The following KALRN variants were observed in gnomAD, a reference collection of about 807,000 sequenced individuals.
The protein encoded by KALRN is kalirin.
In KALRN, 70 loss-of-function variants were observed where a neutral mutation model predicts 353.7. The observed-to-expected ratio is 0.20, with a 90% CI of 0.16 to 0.24. The LOEUF is 0.24. Ranked by LOEUF, KALRN falls within the 10% of genes least tolerant of loss-of-function variation. The pLI is 1.00. For missense variants in KALRN, 2,791 were observed against 3,756.7 expected, an observed-to-expected ratio of 0.74 and a Z score of 6.72; for synonymous variants, 1,391 against 1,434.8, an observed-to-expected ratio of 0.97 and a Z score of 0.69.
rs977964458 is a variant in KALRN, at chr3:124,280,694, A to G, written c.969+11439A>G. 3.5e-4 allele frequency among the ~76,000 whole-genome samples: 54 copies of G among 152,184 alleles called. 1 individual carries two copies. The highest frequency in any genetic ancestry group is 1.3e-3 in the African/African-American group (52 of 41,442). Reference sequence around the variant, plus strand: ...AAACCCCAAGAGTTTGCCCACCCAGAGAATGATGTTCTCTCACTTGAATAG... The same window carrying G: ...AAACCCCAAGAGTTTGCCCACCCAGGGAATGATGTTCTCTCACTTGAATAG... On this transcript the variant is annotated intron_variant, in intron 5 of 59. Coordinates refer to ENST00000682506, the MANE Select transcript of KALRN (RefSeq NM_001388419.1).
chr3:124,472,135 C>G (rs947197257), intron 25 of KALRN, among the ~76,000 whole-genome samples: 5 of 152,080 alleles, frequency 3.3e-5, no homozygotes, highest in Non-Finnish European at 7.4e-5. Flanking sequence ...CAGGGTGTTG[C>G]TCTATTGAAA....
intron 4 of KALRN, among the ~76,000 whole-genome samples, chr3:124,268,108 G>GCTGGAGACACTTTCCTTC (rs1227251130): frequency 6.6e-6 from 1 of 152,200 alleles, no homozygotes; most frequent in Non-Finnish European, 1.5e-5. Flanking sequence ...ATCATCATTT[G>GCTGGAGACACTTTCCTTC]CTGGAGACAC....
intron 33 of KALRN, among the ~76,000 whole-genome samples, chr3:124,506,098 A>T (rs1025983053): frequency 6.6e-6 from 1 of 152,226 alleles, no homozygotes; most frequent in Non-Finnish European, 1.5e-5. Context: ...AAGATCCTCT[A>T]TGGTGAAACA....
chr3:124,675,022 A>ATATATATATATATT (rs1203296000), intron 49 of KALRN: 1 of 151,040 alleles, frequency 6.6e-6, no homozygotes, highest in African/African-American at 2.4e-5. Flanking sequence ...ATATATATAT[A>ATATATATATATATT]TTTTTGATTG....
chr3:124,169,799 TTCTCTCTGGGAC>T (rs1366687174), intron 1 of KALRN, among the ~76,000 whole-genome samples: 9 of 152,274 alleles, frequency 5.9e-5, no homozygotes, highest in Non-Finnish European at 1.2e-4. Context: ...GAGGGGACAG[TTCTCTCTGGGAC>T]TCTCAGTTGT....
At chr3:124,637,343 C>T (rs1026092932) in intron 37 of KALRN, 40 bp downstream of exon 37, 1 of 1,374,524 alleles carries the variant, frequency 7.3e-7, no homozygotes, top group Non-Finnish European at 1.0e-6. Context: ...GTGTGTCTCA[C>T]CTTCACACTG....
intron 1 of KALRN, among the ~76,000 whole-genome samples, chr3:124,208,040 C>G (rs880001): frequency 0.52 from 78,455 of 152,052 alleles, 22,680 homozygotes; most frequent in Non-Finnish European, 0.65. Context: ...CGCTTTCCCC[C>G]CCAGTTCAGT....
At chr3:124,279,919 C>T (rs1365371129) in intron 5 of KALRN, among the ~76,000 whole-genome samples, 1 of 152,154 alleles carries the variant, frequency 6.6e-6, no homozygotes, top group Admixed American at 6.5e-5. Flanking sequence ...AGCAAAGGCA[C>T]AGCAGCCTCA....
chr3:124,047,265 GC>G (rs1478721333), intron 1 of KALRN, among the ~76,000 whole-genome samples: 2 of 152,092 alleles, frequency 1.3e-5, no homozygotes, highest in African/African-American at 4.8e-5. Context: ...TACTAAGAGG[GC>G]TAATGAAAAT....
intron 23 of KALRN, among the ~76,000 whole-genome samples, chr3:124,459,193 G>A (rs1187513824): frequency 6.6e-6 from 1 of 152,148 alleles, no homozygotes; most frequent in Non-Finnish European, 1.5e-5. Flanking sequence ...AGAAAGAGGT[G>A]CTTGGAAATT....
intron 1 of KALRN, among the ~76,000 whole-genome samples, chr3:124,189,202 C>T (rs1289409302): frequency 6.6e-6 from 1 of 152,178 alleles, no homozygotes; most frequent in Non-Finnish European, 1.5e-5. Context: ...CATTTAACAT[C>T]TAAGGTCTTC....
chr3:124,401,059 G>A (rs1050429081), intron 13 of KALRN, among the ~76,000 whole-genome samples: 3 of 152,182 alleles, frequency 2.0e-5, no homozygotes, highest in Non-Finnish European at 1.5e-5. Context: ...TCGCAAGTGT[G>A]TCTTTACTAG....
intron 34 of KALRN, among the ~76,000 whole-genome samples, chr3:124,606,902 G>A (rs75838732): frequency 6.6e-6 from 1 of 152,136 alleles, no homozygotes; most frequent in Non-Finnish European, 1.5e-5. Context: ...AAATAAAAAC[G>A]ATAAGATTAT....
chr3:124,049,146 T>C (rs998585815), intron 1 of KALRN, among the ~76,000 whole-genome samples: 8 of 152,218 alleles, frequency 5.3e-5, no homozygotes, highest in African/African-American at 1.9e-4. Flanking sequence ...CAGTGTGCCT[T>C]AGGAGCCAGA....
chr3:124,217,399 C>G (rs996043568), intron 1 of KALRN, among the ~76,000 whole-genome samples: 1 of 152,176 alleles, frequency 6.6e-6, no homozygotes, highest in Non-Finnish European at 1.5e-5. Flanking sequence ...ATCTAGATAC[C>G]TGAACATTGT....
chr3:124,163,628 TAAAGAAG>T, intron 1 of KALRN: 2 of 984,964 alleles, frequency 2.0e-6, no homozygotes, highest in South Asian at 4.7e-5. Context: ...TGGATCTGCA[TAAAGAAG>T]AAAGAAGAAA....
At chr3:124,090,637 T>C (rs2061061354) in intron 1 of KALRN, among the ~76,000 whole-genome samples, 1 of 152,228 alleles carries the variant, frequency 6.6e-6, no homozygotes, top group East Asian at 1.9e-4. Context: ...TCTCCCTCCC[T>C]ATTGGACTCT....
chr3:124,223,305 C>T (rs968035388), intron 1 of KALRN, among the ~76,000 whole-genome samples: 1 of 152,058 alleles, frequency 6.6e-6, no homozygotes, highest in Non-Finnish European at 1.5e-5. Flanking sequence ...AACTAGGGTC[C>T]AGCCAAATGA....
chr3:124,084,934 G>C (rs1025887200), intron 1 of KALRN, among the ~76,000 whole-genome samples: 2 of 152,170 alleles, frequency 1.3e-5, no homozygotes, highest in African/African-American at 4.8e-5. Flanking sequence ...AGCTCCACCT[G>C]TGAGGGCCCC....
Sources: gnomAD v4.1 joint callset for allele counts (sites outside exome capture counted in the v4.1 genomes callset) on GRCh38, gnomAD v4.1.1 for gene constraint, MANE v1.5 for transcripts, NCBI Gene and HGNC (gene_info 2026-07-23, HGNC 2026-07-21) for gene names.